FYB1: variants seen among roughly 807,000 people sequenced by gnomAD.
The protein encoded by FYB1 is FYN-binding protein 1.
FYB1 carries 41 observed loss-of-function variants against 94.1 expected under a neutral mutation model. The ratio of observed to expected loss-of-function variants is 0.44; its 90% CI spans 0.34 to 0.57. The LOEUF is 0.57. FYB1 is among the 20% of genes least tolerant of loss of function. FYB1 has a pLI of 0.02. For synonymous variants in FYB1, 367 were observed against 353.2 expected (o/e 1.04, Z -0.44); for missense variants, 1,050 against 976.8 (o/e 1.07, Z -1.00).
intron 2 of FYB1, among the ~76,000 whole-genome samples, chr5:39,166,555 A>G (rs1484263936): frequency 2.6e-5 from 4 of 152,222 alleles, no homozygotes; most frequent in Non-Finnish European, 5.9e-5. Flanking sequence ...GTGTCCATCA[A>G]TGGATGAAAC....
chr5:39,206,557 AAG>A (rs1748876081), intron 1 of FYB1, among the ~76,000 whole-genome samples: 1 of 152,162 alleles, frequency 6.6e-6, no homozygotes, highest in South Asian at 2.1e-4. Context: ...ATAGAGTGGA[AAG>A]TAAGCCTTCT....
At chr5:39,171,690 T>G (rs1745261241) in intron 2 of FYB1, among the ~76,000 whole-genome samples, 2 of 152,252 alleles carry the variant, frequency 1.3e-5, no homozygotes, top group African/African-American at 4.8e-5. Flanking sequence ...CCCATTCTTT[T>G]GTTTTGAAAC....
chr5:39,158,517 G>T (rs1743957815), intron 2 of FYB1, among the ~76,000 whole-genome samples: 1 of 152,156 alleles, frequency 6.6e-6, no homozygotes, highest in South Asian at 2.1e-4. Context: ...GAATAGAGAG[G>T]ACCCAACGAG....
At chr5:39,148,381 GTTTTTT>G (rs538508812) in intron 3 of FYB1, among the ~76,000 whole-genome samples, 3 of 38,172 alleles carry the variant, frequency 7.9e-5, no homozygotes, top group African/African-American at 2.2e-4. Flanking sequence ...TTATCAGCAG[GTTTTTT>G]TTTTTTTTTT....
At chr5:39,234,889 A>T (rs1750892101) in intron 1 of FYB1, among the ~76,000 whole-genome samples, 1 of 151,092 alleles carries the variant, frequency 6.6e-6, no homozygotes, top group South Asian at 2.1e-4. Context: ...AGGGCCTGTC[A>T]GGGGGTCGGG....
At chr5:39,197,228 C>T (rs540115257) in intron 2 of FYB1, among the ~76,000 whole-genome samples, 2 of 152,066 alleles carry the variant, frequency 1.3e-5, no homozygotes, top group Non-Finnish European at 2.9e-5. Context: ...ATTTTGCTCC[C>T]GTCAATAACT....
chr5:39,151,196 C>T (rs1743215709), intron 3 of FYB1, among the ~76,000 whole-genome samples: 1 of 152,210 alleles, frequency 6.6e-6, no homozygotes, highest in Non-Finnish European at 1.5e-5. Flanking sequence ...ATGCCACCCT[C>T]ACACTCCACC....
At chr5:39,259,701 AATAAT>A (rs1752136071) in intron 1 of FYB1, among the ~76,000 whole-genome samples, 2 of 152,390 alleles carry the variant, frequency 1.3e-5, no homozygotes, top group South Asian at 2.1e-4. Context: ...TTCATTAAGA[AATAAT>A]AGAATACTAT....
chr5:39,242,971 AC>A (rs1751285941), intron 1 of FYB1, among the ~76,000 whole-genome samples: 1 of 152,078 alleles, frequency 6.6e-6, no homozygotes. Flanking sequence ...TCCTTTGCCC[AC>A]TTTTTGATGG....
chr5:39,141,380 T>G (rs1242928267), intron 3 of FYB1, among the ~76,000 whole-genome samples: 6 of 152,226 alleles, frequency 3.9e-5, no homozygotes, highest in Non-Finnish European at 7.3e-5. Context: ...ACTCATACAA[T>G]TAATCCGTTG....
At chr5:39,156,633 C>T (rs1171417273) in intron 2 of FYB1, among the ~76,000 whole-genome samples, 3 of 152,186 alleles carry the variant, frequency 2.0e-5, no homozygotes, top group Non-Finnish European at 4.4e-5. Context: ...AAACACTTTG[C>T]TTTGCAAAAC....
intron 16 of FYB1, among the ~76,000 whole-genome samples, chr5:39,115,420 G>T (rs903018271): frequency 2.0e-5 from 3 of 152,108 alleles, no homozygotes. Flanking sequence ...TTCAGGGAAT[G>T]ACAAGTAAAT....
chr5:39,143,892 G>T (rs903371837), intron 3 of FYB1, among the ~76,000 whole-genome samples: 2 of 152,098 alleles, frequency 1.3e-5, no homozygotes, highest in African/African-American at 4.8e-5. Context: ...CTTTCTATTT[G>T]GGTAAGTGTA....
chr5:39,141,125 C>T lies in FYB1; in HGVS notation c.1309G>A (p.Asp437Asn), dbSNP rs770310667. 6.3e-7 allele frequency: 1 copy of T among 1,594,206 alleles called. No individual in the cohort carries two copies. The highest frequency in any genetic ancestry group is 8.6e-7 in the Non-Finnish European group (1 of 1,168,836). The change falls in exon 4 of 19, where the codon GAC (aspartate) becomes AAC (asparagine). Residue 437 changes from aspartate (D) to asparagine (N), a missense_variant. Transcript: ENST00000512982. ...GAGTGCGTGACACCATCTTGATTGT[C>T]TTCATTGACAGGGCTTCTGAAAACG... ...PFDLKSPVNEDNQDGVTHSDG... is the reference protein window; with the variant it reads ...PFDLKSPVNENNQDGVTHSDG...
chr5:39,210,791 G>T (rs117958489), intron 1 of FYB1, among the ~76,000 whole-genome samples: 2 of 152,302 alleles, frequency 1.3e-5, no homozygotes, highest in African/African-American at 4.8e-5. Flanking sequence ...TGGGAAGACC[G>T]CTTGAGCCCA....
chr5:39,258,328 G>C (rs1752056421), intron 1 of FYB1, among the ~76,000 whole-genome samples: 1 of 152,176 alleles, frequency 6.6e-6, no homozygotes, highest in Non-Finnish European at 1.5e-5. Flanking sequence ...AGCCGGGCGT[G>C]GTGGCTCACA....
chr5:39,174,001 G>A (rs1339752893), intron 2 of FYB1, among the ~76,000 whole-genome samples: 1 of 152,122 alleles, frequency 6.6e-6, no homozygotes, highest in African/African-American at 2.4e-5. Context: ...CATTTTGATA[G>A]TGATAGCATT....
intron 9 of FYB1, among the ~76,000 whole-genome samples, chr5:39,133,634 T>C (rs1304027222): frequency 6.6e-6 from 1 of 152,118 alleles, no homozygotes; most frequent in African/African-American, 2.4e-5. Context: ...TGTTCCTCTA[T>C]ACCAGGAAGG....
intron 4 of FYB1, 97 bp downstream of exon 4, chr5:39,140,998 T>C: frequency 1.3e-6 from 1 of 795,004 alleles, no homozygotes; most frequent in Non-Finnish European, 2.1e-6. Flanking sequence ...AGACCAGTGA[T>C]GATAATGACC....
Sources: allele counts gnomAD v4.1 joint callset (sites outside exome capture counted in the v4.1 genomes callset), GRCh38; gene constraint gnomAD v4.1.1; transcripts MANE v1.5; gene names NCBI Gene and HGNC (gene_info 2026-07-23, HGNC 2026-07-21).